The following RAD51AP2 variants were observed in gnomAD, a reference collection of about 807,000 sequenced individuals.
RAD51AP2 encodes RAD51-associated protein 2.
Under a neutral mutation model 85.5 loss-of-function variants are expected in RAD51AP2, and 67 were observed. The ratio of observed to expected loss-of-function variants is 0.78; its 90% CI spans 0.64 to 0.96. The LOEUF is 0.96. RAD51AP2 is among the 40% of genes least tolerant of loss of function. The pLI is 0.00. For synonymous variants in RAD51AP2, 474 were observed against 446.5 expected (o/e 1.06, Z -0.78); for missense variants, 1,307 against 1,332.4 (o/e 0.98, Z 0.30).
At chr2:17,513,950 TA>T in intron 2 of RAD51AP2, 61 bp downstream of exon 2, 1 of 910,728 alleles carries the variant, frequency 1.1e-6, no homozygotes, top group Non-Finnish European at 1.8e-6. Context: ...TTCCTCATAC[TA>T]AAAATACCAT....
the RAD51AP2 span, among the ~76,000 whole-genome samples, chr2:17,525,013 G>A: frequency 6.6e-6 from 1 of 151,762 alleles, no homozygotes; most frequent in South Asian, 2.1e-4. Context: ...CAGAGACAAA[G>A]AAAGTGGGGA....
chr2:17,510,643 A>G lies in RAD51AP2; in HGVS notation c.*161T>C. On this transcript the variant is annotated 3_prime_UTR_variant, in exon 3 of 3. Transcript: ENST00000399080. Reference sequence around the variant, plus strand: ...TATATCATATAAAAATCCATAAAATATTTTATAACTTTGAAAGGTAATACC... The same window carrying G: ...TATATCATATAAAAATCCATAAAATGTTTTATAACTTTGAAAGGTAATACC... 2 of 426,886 alleles carry G rather than the reference A, an allele frequency of 4.7e-6. No homozygotes were observed. The highest frequency in any genetic ancestry group is 8.2e-6 in the Non-Finnish European group (2 of 243,820). The allele number at this position is 426,886 out of a possible 1,614,324, so 26.4% of individuals were successfully genotyped here. A position where few individuals can be genotyped will look rare whatever the true frequency, so the allele number is the denominator to read the frequency against.
chr2:17,536,019 T>C, the RAD51AP2 span, among the ~76,000 whole-genome samples: 1 of 144,580 alleles, frequency 6.9e-6, no homozygotes, highest in East Asian at 2.0e-4. Flanking sequence ...ACTGTTTGGT[T>C]AAAAAAAAAA....
rs148073397 is a variant in RAD51AP2 at position 17,512,036 on chromosome 2, C to T, written c.3329-1081G>A. ...CCATTGGTCTAAATGATATATAAAG[C>T]GCCAGTGAACTGGCTGGTTGGCATA... is the stretch of plus-strand genomic sequence containing the variant. On this transcript the variant is annotated intron_variant, in intron 2 of 2. Transcript: ENST00000399080. Among the ~76,000 whole-genome samples, 329 of 152,112 alleles carry T rather than the reference C, an allele frequency of 2.2e-3. 3 individuals carry two copies. Among genetic ancestry groups the T allele is most frequent in the African/African-American group, 7.3e-3 (304 of 41,502 alleles).
chr2:17,512,488 A>G (rs578103612), intron 2 of RAD51AP2, among the ~76,000 whole-genome samples: 1 of 152,308 alleles, frequency 6.6e-6, no homozygotes, highest in African/African-American at 2.4e-5. Flanking sequence ...ACAACATGTC[A>G]TTTTAACTTG....
In RAD51AP2 at chr2:17,516,328, G is replaced by A; in HGVS notation, c.2088C>T (p.Asp696=). The change falls in exon 1 of 3, where the codon GAC becomes GAT. Residue 696 remains aspartate, a synonymous_variant. Transcript: ENST00000399080. The part of the protein sequence containing the change: ...EKIPLLMDFD[D]MDEISLIREI... Reference sequence around the variant, plus strand: ...CTCTTATTAAAGAAATTTCATCCATGTCATCAAAGTCCATTAAAAGGGGAA... The same window carrying A: ...CTCTTATTAAAGAAATTTCATCCATATCATCAAAGTCCATTAAAAGGGGAA... 6.2e-7 allele frequency: 1 copy of A among 1,607,152 alleles called. No homozygotes were observed. Among genetic ancestry groups the A allele is most frequent in the Non-Finnish European group, 8.5e-7 (1 of 1,178,128 alleles).
chr2:17,515,867 A>T lies in RAD51AP2; in HGVS notation c.2549T>A (p.Val850Asp). 6.2e-7 allele frequency: 1 copy of T among 1,607,688 alleles called. No individual in the cohort carries two copies. Among genetic ancestry groups the T allele is most frequent in the Non-Finnish European group, 8.5e-7 (1 of 1,178,012 alleles). ...CTTTTCTATCTTAGTATCTTTGTGA[A>T]CTTGGCAACTATTTGTTAAACTTTC... ...TAESLTNSCQ[V>D]HKDTKIEKEE... Residue 850 changes from valine to aspartate, a missense_variant, in exon 1 of 3, where the codon GTT (valine) becomes GAT (aspartate). Coordinates refer to ENST00000399080, the MANE Select transcript of RAD51AP2 (RefSeq NM_001099218.3).
the RAD51AP2 span, among the ~76,000 whole-genome samples, chr2:17,526,673 G>A: frequency 1.3e-5 from 2 of 152,080 alleles, no homozygotes; most frequent in African/African-American, 4.8e-5. Context: ...GTCTGCAGGA[G>A]ACTTTGGTAT....
the RAD51AP2 span, among the ~76,000 whole-genome samples, chr2:17,536,788 T>C: frequency 6.6e-6 from 1 of 152,194 alleles, no homozygotes; most frequent in Non-Finnish European, 1.5e-5. Context: ...TTCCCTTCTC[T>C]GCAGAAGGAG....
At chr2:17,513,092 G>T (rs928102302) in intron 2 of RAD51AP2, among the ~76,000 whole-genome samples, 1 of 152,028 alleles carries the variant, frequency 6.6e-6, no homozygotes. Context: ...ACTTTGCCTA[G>T]TTCCATAATT....
At position 17,516,150 on chromosome 2, in the gene RAD51AP2, C is replaced by T. The variant is rs770616181; in HGVS notation, c.2266G>A (p.Val756Ile). Reference protein sequence around the residue: ...RGYINENFYEVNMHSQDLNME... With the variant: ...RGYINENFYEINMHSQDLNME... Reference sequence around the variant, plus strand: ...TTTAAATCTTGGCTGTGCATATTTACTTCATAAAAATTTTCATTAATGTAT... The same window carrying T: ...TTTAAATCTTGGCTGTGCATATTTATTTCATAAAAATTTTCATTAATGTAT... Residue 756 changes from valine to isoleucine, a missense_variant, in exon 1 of 3, where the codon GTA becomes ATA. Val to Ile is a conservative substitution (Grantham distance 29). Coordinates refer to ENST00000399080, the MANE Select transcript of RAD51AP2 (RefSeq NM_001099218.3). 36 of 1,613,018 alleles carry T rather than the reference C, an allele frequency of 2.2e-5. 1 individual carries two copies. Among genetic ancestry groups the T allele is most frequent in the Admixed American group, 1.0e-4 (6 of 59,880 alleles).
chr2:17,537,400 T>C, the RAD51AP2 span, among the ~76,000 whole-genome samples: 1 of 152,202 alleles, frequency 6.6e-6, no homozygotes, highest in Admixed American at 6.5e-5. Flanking sequence ...ATTAATACCC[T>C]TTGCTTTTGG....
At chr2:17,532,862 T>C in the RAD51AP2 span, among the ~76,000 whole-genome samples, 2 of 152,258 alleles carry the variant, frequency 1.3e-5, no homozygotes, top group African/African-American at 2.4e-5. Flanking sequence ...ATTATTTTTG[T>C]TATTAACAGA....
chr2:17,532,551 T>C, the RAD51AP2 span, among the ~76,000 whole-genome samples: 53 of 152,120 alleles, frequency 3.5e-4, no homozygotes, highest in East Asian at 9.7e-4. Context: ...AAAAATCCAA[T>C]TGGTCTAGCG....
At chr2:17,527,695 ATAT>A in the RAD51AP2 span, among the ~76,000 whole-genome samples, 1 of 152,188 alleles carries the variant, frequency 6.6e-6, no homozygotes, top group Admixed American at 6.5e-5. Flanking sequence ...AAAAATAAAC[ATAT>A]TATTAATGGC....
the RAD51AP2 span, among the ~76,000 whole-genome samples, chr2:17,528,852 A>G: frequency 3.4e-3 from 513 of 152,308 alleles, 3 homozygotes; most frequent in Middle Eastern, 0.01. Flanking sequence ...TCAAAGAATA[A>G]AATAAAATAA....
At chr2:17,524,096 T>A in the RAD51AP2 span, among the ~76,000 whole-genome samples, 2 of 151,954 alleles carry the variant, frequency 1.3e-5, no homozygotes, top group Non-Finnish European at 2.9e-5. Flanking sequence ...AACAATACAT[T>A]GCCGAATCAG....
At chr2:17,520,874 C>G (rs1376580539), upstream of RAD51AP2, among the ~76,000 whole-genome samples, 1 of 151,894 alleles carries the variant, frequency 6.6e-6, no homozygotes, top group Non-Finnish European at 1.5e-5. Flanking sequence ...TCTTATTAAG[C>G]CTTAAATGGC....
intron 2 of RAD51AP2, among the ~76,000 whole-genome samples, chr2:17,513,688 A>G (rs976069008): frequency 6.6e-6 from 1 of 152,198 alleles, no homozygotes; most frequent in African/African-American, 2.4e-5. Flanking sequence ...TCTATCAGAG[A>G]GCATGGTCCC....
Sources: allele counts gnomAD v4.1 joint callset (sites outside exome capture counted in the v4.1 genomes callset), GRCh38; gene constraint gnomAD v4.1.1; transcripts MANE v1.5; gene names NCBI Gene and HGNC (gene_info 2026-07-23, HGNC 2026-07-21).